DNAAF5: variants seen among roughly 807,000 people sequenced by gnomAD.
The protein encoded by DNAAF5 is HEAT repeat containing 2.
Under a neutral mutation model 75.8 loss-of-function variants are expected in DNAAF5, and 64 were observed. The ratio of observed to expected loss-of-function variants is 0.84; its 90% CI spans 0.69 to 1.04. The LOEUF is 1.04. Among genes scored for constraint, DNAAF5 ranks in the 50% least tolerant of loss-of-function variants. The pLI is 0.00. For synonymous variants in DNAAF5, 657 were observed against 557.2 expected (o/e 1.18, Z -2.52); for missense variants, 1,269 against 1,178.5 (o/e 1.08, Z -1.12).
chr7:731,054 G>A (rs1054502606), intron 2 of DNAAF5, among the ~76,000 whole-genome samples: 2 of 152,192 alleles, frequency 1.3e-5, no homozygotes, highest in Non-Finnish European at 2.9e-5. Context: ...AGGGGCCAGG[G>A]CAAGAACAGA....
chr7:779,380 G>A (rs1298378651), intron 11 of DNAAF5, among the ~76,000 whole-genome samples: 1 of 152,228 alleles, frequency 6.6e-6, no homozygotes, highest in Non-Finnish European at 1.5e-5. Context: ...TGCACAGAAG[G>A]GGGTGCCAAA....
At chr7:734,323 A>G (rs1781668887) in intron 2 of DNAAF5, among the ~76,000 whole-genome samples, 1 of 152,176 alleles carries the variant, frequency 6.6e-6, no homozygotes, top group Non-Finnish European at 1.5e-5. Context: ...GTTGAATTTT[A>G]TCAATACTTT....
rs751208424 is a variant in DNAAF5, at chr7:754,765, G to A, written c.1201G>A (p.Val401Ile). The A allele has an allele frequency of 1.2e-5, 20 of 1,613,262 alleles. No homozygotes were observed. The highest frequency in any genetic ancestry group is 1.7e-4 in the Middle Eastern group (1 of 6,054). Reference protein sequence around the residue: ...EDHATQHLEVVLRTLFQACTD... With the variant: ...EDHATQHLEVILRTLFQACTD... ...CCACGCCACGCAGCACCTGGAGGTCGTCCTCCGGACCCTGTTCCAGGCCTG... is the reference window on the plus strand; with the variant it reads ...CCACGCCACGCAGCACCTGGAGGTCATCCTCCGGACCCTGTTCCAGGCCTG... The change falls in exon 5 of 13, where the codon GTC becomes ATC. Residue 401 changes from valine (V) to isoleucine (I), a missense_variant. Coordinates refer to ENST00000297440, the MANE Select transcript of DNAAF5 (RefSeq NM_017802.4). The surrounding 1 kb of genome is among the most constrained non-coding windows in gnomAD (Gnocchi z 4.8).
At chr7:747,472 G>A (rs567373003) in intron 4 of DNAAF5, among the ~76,000 whole-genome samples, 21 of 150,464 alleles carry the variant, frequency 1.4e-4, no homozygotes, top group African/African-American at 3.9e-4. Flanking sequence ...GGTGGCCCAC[G>A]GTGTTGGTGG....
chr7:743,460 C>T (rs1562380051), intron 4 of DNAAF5, among the ~76,000 whole-genome samples: 1 of 151,950 alleles, frequency 6.6e-6, no homozygotes, highest in Non-Finnish European at 1.5e-5. Flanking sequence ...AGAGCCGTGG[C>T]TCCTCCCGAG....
chr7:753,973 T>C lies in DNAAF5; in HGVS notation c.1025-616T>C, dbSNP rs549654725. ...TCGCAGGCGTGTCTCTCTCATCATA[T>C]GGCGATGGCTTCGCAGGCGTGTGTC... On this transcript the variant is annotated intron_variant, in intron 4 of 12. Transcript: ENST00000297440. 1.0e-4 allele frequency among the ~76,000 whole-genome samples: 15 copies of C among 143,534 alleles called. No homozygotes were observed. The South Asian group carries it at 3.5e-3, about 33-fold the overall frequency. 94.2% of individuals were successfully genotyped at this position (143,534 alleles called of 152,430 possible). A position where few individuals can be genotyped will look rare whatever the true frequency, so the allele number is the denominator to read the frequency against.
intron 8 of DNAAF5, among the ~76,000 whole-genome samples, chr7:766,247 C>T (rs920410354): frequency 6.6e-6 from 1 of 152,194 alleles, no homozygotes; most frequent in Non-Finnish European, 1.5e-5. Context: ...TTTCCAACAT[C>T]GTGTCCTTGG....
chr7:734,220 G>C (rs1781666465), intron 2 of DNAAF5, among the ~76,000 whole-genome samples: 1 of 152,182 alleles, frequency 6.6e-6, no homozygotes, highest in Non-Finnish European at 1.5e-5. Context: ...CATTCAGTGT[G>C]GTACTAGCTG....
At chr7:766,597 T>A (rs1223123164) in intron 8 of DNAAF5, among the ~76,000 whole-genome samples, 2 of 152,200 alleles carry the variant, frequency 1.3e-5, no homozygotes, top group East Asian at 3.9e-4. Flanking sequence ...CTTTGTTACA[T>A]AAAGCTGACA....
Position 779,957 on chromosome 7 carries a change from C to T in DNAAF5, c.2244C>T (p.Leu748=). 6.2e-7 allele frequency: 1 copy of T among 1,614,072 alleles called. No homozygotes were observed. The highest frequency in any genetic ancestry group is 8.5e-7 in the Non-Finnish European group (1 of 1,179,950). ...TGTCTCGCTCCCTCCTTCCAGAACTCTTAAAACGCCTAGATGACGTGTCCA... is the reference window on the plus strand; with the variant it reads ...TGTCTCGCTCCCTCCTTCCAGAACTTTTAAAACGCCTAGATGACGTGTCCA... The part of the protein sequence containing the change: ...PEKLIRIYPE[L]LKRLDDVSND... Residue 748 remains leucine (L), a synonymous_variant, in exon 12 of 13, where the codon CTC becomes CTT. Coordinates refer to ENST00000297440, the MANE Select transcript of DNAAF5 (RefSeq NM_017802.4).
intron 7 of DNAAF5, 33 bp from the exon 8 acceptor site, chr7:763,773 G>C: frequency 1.2e-6 from 2 of 1,609,474 alleles, no homozygotes; most frequent in Non-Finnish European, 1.7e-6. Context: ...CTGAGTGTTG[G>C]AATTGTCTCA....
intron 11 of DNAAF5, chr7:778,127 T>C (rs985639686): frequency 1.3e-5 from 2 of 152,226 alleles, no homozygotes; most frequent in Non-Finnish European, 2.9e-5. Context: ...CTTTTCTGTT[T>C]TTATTCTTTA....
chr7:760,080 CCTCCAGCTCT>C (rs1782598016), intron 6 of DNAAF5, among the ~76,000 whole-genome samples: 1 of 10,842 alleles, frequency 9.2e-5, no homozygotes, highest in Non-Finnish European at 2.4e-4. Flanking sequence ...CCGCGCGGCT[CCTCCAGCTCT>C]GAGGGAGACG....
intron 2 of DNAAF5, among the ~76,000 whole-genome samples, chr7:732,780 G>A (rs1266823515): frequency 6.6e-6 from 1 of 152,178 alleles, no homozygotes; most frequent in East Asian, 1.9e-4. Context: ...CTCCCATCCT[G>A]TGGGTTGTCT....
intron 12 of DNAAF5, among the ~76,000 whole-genome samples, chr7:781,727 A>C (rs904624767): frequency 2.6e-5 from 4 of 151,796 alleles, no homozygotes; most frequent in Non-Finnish European, 5.9e-5. Context: ...TTCTATGTGC[A>C]TTTCTCTGAG....
intron 4 of DNAAF5, among the ~76,000 whole-genome samples, chr7:747,731 C>T (rs191347289): frequency 3.4e-4 from 12 of 34,972 alleles, no homozygotes; most frequent in South Asian, 1.7e-3. Context: ...CTGGTTTCAG[C>T]ATGTCCGGCT....
chr7:770,688 C>G, intron 9 of DNAAF5, 70 bp downstream of exon 9: 2 of 1,459,678 alleles, frequency 1.4e-6, no homozygotes, highest in Non-Finnish European at 1.9e-6. Context: ...TCTCCCTCCC[C>G]AACAGCTCAC....
chr7:737,041 T>C (rs1441441524), intron 2 of DNAAF5, among the ~76,000 whole-genome samples: 1 of 152,100 alleles, frequency 6.6e-6, no homozygotes, highest in Non-Finnish European at 1.5e-5. Context: ...TTTTTACTTA[T>C]ATCTTTGTCT....
intron 11 of DNAAF5, 141 bp downstream of exon 11, chr7:775,303 C>T: frequency 1.3e-6 from 1 of 776,942 alleles, no homozygotes; most frequent in Non-Finnish European, 2.1e-6. Context: ...CCTTTAATTC[C>T]AGCACTTTAG....
Sources: gnomAD v4.1 joint callset for allele counts (sites outside exome capture counted in the v4.1 genomes callset) on GRCh38, gnomAD v4.1.1 for gene constraint, Gnocchi (gnomAD v3.1) non-coding constraint, MANE v1.5 for transcripts, NCBI Gene and HGNC (gene_info 2026-07-23, HGNC 2026-07-21) for gene names.